Variants in BAZ2B observed in about 807,000 individuals in gnomAD.
BAZ2B encodes the protein bromodomain adjacent to zinc finger domain protein 2B.
A neutral mutation model predicts 246.0 loss-of-function variants in BAZ2B; 91 were observed. The observed-to-expected ratio is 0.37, with a 90% CI of 0.31 to 0.44. BAZ2B has a LOEUF of 0.44. Ranked by LOEUF, BAZ2B falls within the 20% of genes least tolerant of loss-of-function variation. The pLI, the probability that BAZ2B is intolerant of heterozygous loss-of-function variation, is 1.00. For missense variants in BAZ2B, 2,332 were observed against 2,533.7 expected (o/e 0.92, Z 1.71); for synonymous variants, 855 against 860.0 (o/e 0.99, Z 0.10).
At chr2:159,703,741 A>C in the BAZ2B span, among the ~76,000 whole-genome samples, 1 of 151,804 alleles carries the variant, frequency 6.6e-6, no homozygotes, top group Admixed American at 6.6e-5. Context: ...AAAGTCAGCC[A>C]GTAATCCCAG....
chr2:159,509,356 C>T (rs1405277231), intron 2 of BAZ2B, among the ~76,000 whole-genome samples: 3 of 152,120 alleles, frequency 2.0e-5, no homozygotes, highest in African/African-American at 4.8e-5. Flanking sequence ...GAAATTCAAA[C>T]TCAACGACCA....
chr2:159,549,904 A>C (rs1199132716), intron 2 of BAZ2B, among the ~76,000 whole-genome samples: 1 of 150,178 alleles, frequency 6.7e-6, no homozygotes, highest in Non-Finnish European at 1.5e-5. Context: ...GCTCACTGCA[A>C]CCTCCGCCTC....
Position 159,607,868 on chromosome 2 carries a change from T to A in BAZ2B, c.-46+8374A>T, listed in dbSNP as rs1693858372. On this transcript the variant is annotated intron_variant, in intron 1 of 36. Transcript: ENST00000392783. Reference sequence around the variant, plus strand: ...CCTACTATGAACTTCCATAAATTGTTATCCATAGCTCTCCCAGAGCATGCT... The same window carrying A: ...CCTACTATGAACTTCCATAAATTGTAATCCATAGCTCTCCCAGAGCATGCT... Among the ~76,000 whole-genome samples the A allele has an allele frequency of 1.3e-5, 2 of 152,230 alleles. 1 individual carries two copies. The highest frequency in any genetic ancestry group is 4.1e-4 in the South Asian group (2 of 4,832).
At chr2:159,479,475 T>A (rs2079010224) in intron 2 of BAZ2B, among the ~76,000 whole-genome samples, 1 of 152,140 alleles carries the variant, frequency 6.6e-6, no homozygotes, top group South Asian at 2.1e-4. Flanking sequence ...AGCAAGAAAG[T>A]CATTAAATTC....
At chr2:159,447,048 T>G (rs1318947599) in intron 5 of BAZ2B, 73 bp from the exon 6 acceptor site, 1 of 1,081,276 alleles carries the variant, frequency 9.2e-7, no homozygotes, top group Non-Finnish European at 1.3e-6. Context: ...TACAGATATA[T>G]GTACAGTTGG....
At chr2:159,624,650 C>T in the BAZ2B span, among the ~76,000 whole-genome samples, 9,549 of 152,270 alleles carry the variant, frequency 0.063, 391 homozygotes, top group Middle Eastern at 0.14. Flanking sequence ...ATAAAAAGGA[C>T]ATCCACTCAG....
chr2:159,534,861 C>CCT (rs1476846656), intron 2 of BAZ2B, among the ~76,000 whole-genome samples: 5 of 152,130 alleles, frequency 3.3e-5, no homozygotes, highest in Non-Finnish European at 4.4e-5. Flanking sequence ...CCTGCCTCGG[C>CCT]CTCCCAAAGT....
chr2:159,608,576 A>G (rs1484144145), intron 1 of BAZ2B, among the ~76,000 whole-genome samples: 1 of 152,212 alleles, frequency 6.6e-6, no homozygotes, highest in African/African-American at 2.4e-5. Flanking sequence ...TCCTTCCTTT[A>G]TTCTGTGATG....
intron 8 of BAZ2B, among the ~76,000 whole-genome samples, chr2:159,435,818 G>A (rs2072174202): frequency 6.6e-6 from 1 of 152,200 alleles, no homozygotes; most frequent in African/African-American, 2.4e-5. Flanking sequence ...TTTTAAAGCA[G>A]CAGTACTAAC....
chr2:159,615,759 T>G (rs1695909388), intron 1 of BAZ2B: 1 of 152,014 alleles, frequency 6.6e-6, no homozygotes, highest in African/African-American at 2.4e-5. Context: ...GCAAAACTGT[T>G]GGCGGCGACC....
intron 2 of BAZ2B, among the ~76,000 whole-genome samples, chr2:159,526,161 T>C (rs187352490): frequency 1.3e-5 from 2 of 152,280 alleles, no homozygotes; most frequent in African/African-American, 4.8e-5. Context: ...AATTGTATTG[T>C]AGAAGTAAAA....
chr2:159,680,505 CAT>C, the BAZ2B span, among the ~76,000 whole-genome samples: 1 of 152,162 alleles, frequency 6.6e-6, no homozygotes, highest in Non-Finnish European at 1.5e-5. Context: ...TCAAAACAAA[CAT>C]GTGGACCAAA....
intron 2 of BAZ2B, among the ~76,000 whole-genome samples, chr2:159,512,893 A>C (rs942225063): frequency 6.6e-6 from 1 of 152,194 alleles, no homozygotes. Context: ...GTTACACTAC[A>C]GAATGATAAC....
At chr2:159,603,918 C>T (rs1432112239) in intron 1 of BAZ2B, among the ~76,000 whole-genome samples, 1 of 152,164 alleles carries the variant, frequency 6.6e-6, no homozygotes, top group African/African-American at 2.4e-5. Flanking sequence ...TAATGAACAC[C>T]TTCATTTCAG....
At chr2:159,455,762 G>GTTTTC (rs759816186) in intron 3 of BAZ2B, among the ~76,000 whole-genome samples, 1 of 97,124 alleles carries the variant, frequency 1.0e-5, no homozygotes, top group African/African-American at 3.5e-5. Context: ...GAAATATTGT[G>GTTTTC]GTTTTTTTTT....
intron 22 of BAZ2B, 146 bp from the exon 23 acceptor site, chr2:159,385,515 A>C: frequency 4.5e-6 from 3 of 671,330 alleles, no homozygotes; most frequent in Middle Eastern, 8.4e-4. Flanking sequence ...AGACACAAAA[A>C]TAGTCAATAG....
intron 2 of BAZ2B, among the ~76,000 whole-genome samples, chr2:159,519,418 G>A (rs1478192487): frequency 6.8e-6 from 1 of 147,354 alleles, no homozygotes; most frequent in African/African-American, 2.5e-5. Flanking sequence ...TTTTAGTAGA[G>A]ACGGGGTTTC....
chr2:159,445,713 C>A (rs907376632), intron 6 of BAZ2B, among the ~76,000 whole-genome samples: 2 of 152,178 alleles, frequency 1.3e-5, no homozygotes, highest in Non-Finnish European at 2.9e-5. Flanking sequence ...GGTCTCCTGA[C>A]CACCACTGGA....
At chr2:159,655,088 G>A in the BAZ2B span, among the ~76,000 whole-genome samples, 1 of 152,102 alleles carries the variant, frequency 6.6e-6, no homozygotes, top group African/African-American at 2.4e-5. Flanking sequence ...TACAGTGTAA[G>A]GAATTGGCTA....
Sources: gnomAD v4.1 joint callset for allele counts (sites outside exome capture counted in the v4.1 genomes callset) on GRCh38, gnomAD v4.1.1 for gene constraint, MANE v1.5 for transcripts, NCBI Gene and HGNC (gene_info 2026-07-23, HGNC 2026-07-21) for gene names.